ZNF385D: variants seen among roughly 807,000 people sequenced by gnomAD.
ZNF385D encodes zinc finger protein 659.
In ZNF385D, 15 loss-of-function variants were observed where a neutral mutation model predicts 35.8. That is an observed-to-expected ratio of 0.42 (90% CI 0.28 to 0.64). The LOEUF is 0.64. Among genes scored for constraint, ZNF385D ranks in the 30% least tolerant of loss-of-function variants. The probability of loss-of-function intolerance (pLI) is 0.23; values close to 1 mark genes in which losing one functional copy is unlikely to be tolerated. For synonymous variants in ZNF385D, 212 were observed against 186.8 expected (o/e 1.13, Z -1.10); for missense variants, 474 against 494.6 (o/e 0.96, Z 0.39).
intron 3 of ZNF385D, among the ~76,000 whole-genome samples, chr3:22,027,848 T>C (rs756453785): frequency 2.0e-5 from 3 of 152,072 alleles, no homozygotes; most frequent in South Asian, 2.1e-4. Context: ...CTATGATCAG[T>C]TGACAGAGGA....
intron 3 of ZNF385D, among the ~76,000 whole-genome samples, chr3:21,944,610 T>C (rs1045706044): frequency 1.8e-4 from 27 of 152,246 alleles, no homozygotes; most frequent in African/African-American, 6.5e-4. Flanking sequence ...GCTTTGCACA[T>C]TGTATTTTCA....
chr3:21,833,064 A>G (rs1353338081), intron 3 of ZNF385D, among the ~76,000 whole-genome samples: 4 of 152,182 alleles, frequency 2.6e-5, no homozygotes, highest in Admixed American at 2.6e-4. Flanking sequence ...TCACATCATG[A>G]TGCATTTATT....
intron 2 of ZNF385D, among the ~76,000 whole-genome samples, chr3:21,647,201 AAAAC>A (rs1457549680): frequency 1.3e-5 from 2 of 152,234 alleles, no homozygotes; most frequent in African/African-American, 4.8e-5. Context: ...ATATGTAACA[AAAAC>A]AAACAAAACA....
intron 1 of ZNF385D, among the ~76,000 whole-genome samples, chr3:21,690,550 T>C (rs1274902573): frequency 6.6e-6 from 1 of 152,204 alleles, no homozygotes; most frequent in Non-Finnish European, 1.5e-5. Flanking sequence ...TTCTGCTCAT[T>C]TCCTCATGTT....
At chr3:22,185,043 T>C (rs1695535777) in intron 2 of ZNF385D, among the ~76,000 whole-genome samples, 2 of 152,208 alleles carry the variant, frequency 1.3e-5, no homozygotes, top group African/African-American at 2.4e-5. Context: ...AATCAGGAGA[T>C]ACCTTGCTGT....
chr3:22,360,670 T>C (rs1696369765), intron 2 of ZNF385D, among the ~76,000 whole-genome samples: 1 of 152,020 alleles, frequency 6.6e-6, no homozygotes, highest in Admixed American at 6.6e-5. Flanking sequence ...CAAGTCCTCA[T>C]ATGCCCTATT....
intron 3 of ZNF385D, among the ~76,000 whole-genome samples, chr3:22,141,788 T>C (rs1704519831): frequency 1.3e-5 from 2 of 152,232 alleles, no homozygotes; most frequent in Admixed American, 6.5e-5. Context: ...GAAGTCGTTA[T>C]TCAGTTTTCA....
intron 3 of ZNF385D, among the ~76,000 whole-genome samples, chr3:22,137,923 A>G (rs1002899062): frequency 5.9e-5 from 9 of 152,096 alleles, no homozygotes; most frequent in Non-Finnish European, 1.3e-4. Context: ...AGAAAACCCC[A>G]TCGTCTCAGC....
intron 3 of ZNF385D, among the ~76,000 whole-genome samples, chr3:22,122,253 T>C (rs2125667649): frequency 6.6e-6 from 1 of 152,302 alleles, no homozygotes; most frequent in East Asian, 1.9e-4. Context: ...TAATTGAAGC[T>C]TGCAAGTGAC....
At chr3:21,941,583 C>G (rs887646127) in intron 3 of ZNF385D, among the ~76,000 whole-genome samples, 1 of 150,048 alleles carries the variant, frequency 6.7e-6, no homozygotes, top group Non-Finnish European at 1.5e-5. Flanking sequence ...CTGCAACCTC[C>G]GCCTCCCGGG....
intron 2 of ZNF385D, among the ~76,000 whole-genome samples, chr3:22,234,624 ATTAT>A (rs1275438068): frequency 2.0e-5 from 3 of 151,894 alleles, no homozygotes; most frequent in South Asian, 2.1e-4. Flanking sequence ...TCTGAATTAC[ATTAT>A]TTATGTTTAC....
chr3:21,979,648 T>C lies in ZNF385D; in HGVS notation c.325+189169A>G, dbSNP rs1361252160. 4 of 152,172 alleles carry C rather than the reference T, an allele frequency of 2.6e-5. No individual in the cohort carries two copies. The South Asian group carries it at 8.3e-4, about 32-fold the overall frequency. 9.4% of individuals were successfully genotyped at this position (152,172 alleles called of 1,614,324 possible). ...TCTCATAGGTGCTTGAAACGGCAAA[T>C]AATAAAGACGACTACTTTTCAGATA... On this transcript the variant is annotated intron_variant, in intron 3 of 5. Transcript: ENST00000494108.
chr3:21,828,395 TTAC>T (rs1372289454), intron 3 of ZNF385D, among the ~76,000 whole-genome samples: 1 of 152,178 alleles, frequency 6.6e-6, no homozygotes, highest in Non-Finnish European at 1.5e-5. Flanking sequence ...AATATATGTT[TTAC>T]TACATTTTGG....
At chr3:22,157,159 C>T (rs916886743) in intron 3 of ZNF385D, among the ~76,000 whole-genome samples, 3 of 152,080 alleles carry the variant, frequency 2.0e-5, no homozygotes, top group South Asian at 2.1e-4. Context: ...GGGACTGGCC[C>T]TACCTCTTTC....
At chr3:21,681,923 T>C (rs1464071007) in intron 1 of ZNF385D, among the ~76,000 whole-genome samples, 2 of 152,074 alleles carry the variant, frequency 1.3e-5, no homozygotes, top group African/African-American at 4.8e-5. Context: ...GTTGGATACC[T>C]GGAGTATGTT....
At position 22,014,704 on chromosome 3, in the gene ZNF385D, G is replaced by C. The variant is rs140329185; in HGVS notation, c.325+154113C>G. 8.4e-3 allele frequency among the ~76,000 whole-genome samples: 1,269 copies of C among 151,962 alleles called. 21 individuals are homozygous for C. Among genetic ancestry groups the C allele is most frequent in the African/African-American group, 0.029 (1,192 of 41,460 alleles). ...TGAATTGAAAGAAAAATAAAGACTT[G>C]ATATACAAGAAATAAGAAAGTGCAA... On this transcript the variant is annotated intron_variant, in intron 3 of 5. Coordinates refer to the ZNF385D transcript ENST00000494108.
chr3:21,631,786 C>T (rs1026234688), intron 2 of ZNF385D, among the ~76,000 whole-genome samples: 9 of 152,072 alleles, frequency 5.9e-5, no homozygotes, highest in African/African-American at 2.2e-4. Context: ...TTGGGTCTAA[C>T]ATAAGAAGGT....
intron 3 of ZNF385D, among the ~76,000 whole-genome samples, chr3:22,061,871 G>A (rs1699704548): frequency 6.6e-6 from 1 of 152,030 alleles, no homozygotes; most frequent in African/African-American, 2.4e-5. Context: ...GATTGTCTCT[G>A]CCACTAAAGT....
chr3:22,334,025 C>A (rs1349460389), intron 2 of ZNF385D, among the ~76,000 whole-genome samples: 1 of 152,170 alleles, frequency 6.6e-6, no homozygotes, highest in East Asian at 1.9e-4. Flanking sequence ...CTGCTTATTT[C>A]ATCTTACCTA....
Sources: gnomAD v4.1 joint callset for allele counts (sites outside exome capture counted in the v4.1 genomes callset) on GRCh38, gnomAD v4.1.1 for gene constraint, MANE v1.5 for transcripts, NCBI Gene and HGNC (gene_info 2026-07-23, HGNC 2026-07-21) for gene names.